The following EYS variants were observed in gnomAD, a reference collection of about 807,000 sequenced individuals.
EYS encodes the protein protein eyes shut homolog.
Under a neutral mutation model 282.1 loss-of-function variants are expected in EYS, and 250 were observed. The ratio of observed to expected loss-of-function variants is 0.89; its 90% CI spans 0.80 to 0.98. The LOEUF is 0.98. EYS is among the 50% of genes least tolerant of loss of function. The probability of loss-of-function intolerance (pLI) is 0.00; values close to 1 mark genes in which losing one functional copy is unlikely to be tolerated. For missense variants in EYS, 4,016 were observed against 3,709.0 expected, an observed-to-expected ratio of 1.08 and a Z score of -2.15; for synonymous variants, 1,355 against 1,282.9, an observed-to-expected ratio of 1.06 and a Z score of -1.20.
rs143205424 is a variant in EYS at position 64,694,965 on chromosome 6, C to A, written c.3444-68720G>T. On this transcript the variant is annotated intron_variant, in intron 22 of 42. Coordinates refer to ENST00000503581, the MANE Select transcript of EYS (RefSeq NM_001142800.2). ...AGGAGAGTAAAGCAGGCTACACTAC[C>A]ACCTGCTAGTCTCTGGAGCCTGAGC... Among the ~76,000 whole-genome samples, 99 of 152,236 alleles carry A rather than the reference C, an allele frequency of 6.5e-4. 1 individual carries two copies. The highest frequency in any genetic ancestry group is 1.0e-4 in the Non-Finnish European group (7 of 68,016).
intron 12 of EYS, among the ~76,000 whole-genome samples, chr6:65,110,448 CCT>C (rs1775181374): frequency 6.6e-6 from 1 of 152,084 alleles, no homozygotes. Context: ...GAAATTTTTA[CCT>C]CTGTTTTAAG....
intron 26 of EYS, among the ~76,000 whole-genome samples, chr6:64,564,341 G>T (rs1330893558): frequency 7.1e-6 from 1 of 140,242 alleles, no homozygotes; most frequent in African/African-American, 2.7e-5. Context: ...CAGTGGCGTG[G>T]ATCTCGGCTC....
chr6:64,930,448 T>C (rs1320088926), intron 15 of EYS, among the ~76,000 whole-genome samples: 2 of 126,050 alleles, frequency 1.6e-5, no homozygotes, highest in Admixed American at 8.9e-5. Context: ...AGGACTTCTA[T>C]GCATAAATAA....
intron 29 of EYS, among the ~76,000 whole-genome samples, chr6:64,308,347 T>G (rs1192574132): frequency 2.0e-5 from 3 of 152,040 alleles, no homozygotes; most frequent in Non-Finnish European, 1.5e-5. Context: ...AACCTAATCA[T>G]TACGAGCATA....
intron 26 of EYS, among the ~76,000 whole-genome samples, chr6:64,458,980 A>T (rs1775654864): frequency 6.6e-6 from 1 of 152,184 alleles, no homozygotes; most frequent in African/African-American, 2.4e-5. Flanking sequence ...TAAGACATCC[A>T]GTGTGGTTCC....
chr6:65,333,724 TA>T (rs975924267), intron 11 of EYS, among the ~76,000 whole-genome samples: 6 of 144,466 alleles, frequency 4.2e-5, no homozygotes, highest in African/African-American at 1.5e-4. Flanking sequence ...GTTAGTTGTG[TA>T]TATACATATA....
intron 15 of EYS, among the ~76,000 whole-genome samples, chr6:64,915,648 T>C (rs1364904291): frequency 6.6e-6 from 1 of 152,162 alleles, no homozygotes; most frequent in East Asian, 1.9e-4. Flanking sequence ...CTAAATACAA[T>C]GTGTATCTCA....
chr6:64,905,399 T>A (rs1767793099), intron 16 of EYS, among the ~76,000 whole-genome samples: 1 of 152,206 alleles, frequency 6.6e-6, no homozygotes, highest in African/African-American at 2.4e-5. Context: ...TTATTCCTAC[T>A]CAGAACTATT....
chr6:63,728,538 A>G (rs1768700101), intron 41 of EYS, among the ~76,000 whole-genome samples: 1 of 152,148 alleles, frequency 6.6e-6, no homozygotes, highest in Non-Finnish European at 1.5e-5. Flanking sequence ...ATTGCCCACT[A>G]GAGTACATTT....
chr6:65,271,995 G>A (rs1767919310), intron 12 of EYS, among the ~76,000 whole-genome samples: 1 of 152,112 alleles, frequency 6.6e-6, no homozygotes, highest in African/African-American at 2.4e-5. Flanking sequence ...ATGTCTACAG[G>A]AGGTAAAGTT....
At chr6:64,234,100 GAAAC>G (rs1391516672) in intron 30 of EYS, among the ~76,000 whole-genome samples, 4 of 152,040 alleles carry the variant, frequency 2.6e-5, no homozygotes, top group Admixed American at 2.0e-4. Flanking sequence ...ATATTAAAAA[GAAAC>G]AAACGCTGCC....
chr6:64,899,423 T>A (rs1775723877), intron 18 of EYS, among the ~76,000 whole-genome samples: 1 of 152,170 alleles, frequency 6.6e-6, no homozygotes, highest in African/African-American at 2.4e-5. Context: ...GAAAGTCAGG[T>A]TATCTCTGTT....
intron 1 of EYS, among the ~76,000 whole-genome samples, chr6:65,706,622 G>C (rs1769888717): frequency 6.6e-6 from 1 of 152,008 alleles, no homozygotes; most frequent in Admixed American, 6.6e-5. Flanking sequence ...TGCCATTGAA[G>C]AGGAAAAAAA....
intron 15 of EYS, among the ~76,000 whole-genome samples, chr6:64,923,105 T>C (rs1047471639): frequency 6.6e-6 from 1 of 151,964 alleles, no homozygotes; most frequent in Admixed American, 6.6e-5. Flanking sequence ...TTAGTGGCTG[T>C]ATTAGTCTGT....
chr6:64,774,366 T>C (rs963662389), intron 22 of EYS, among the ~76,000 whole-genome samples: 2 of 151,948 alleles, frequency 1.3e-5, no homozygotes, highest in African/African-American at 4.8e-5. Context: ...TTGTGATTGG[T>C]ATTATTTAAT....
chr6:65,510,058 A>G (rs1374514775), intron 2 of EYS, among the ~76,000 whole-genome samples: 1 of 150,836 alleles, frequency 6.6e-6, no homozygotes, highest in East Asian at 2.0e-4. Flanking sequence ...TTTAGGGTAC[A>G]TGTGCACAAT....
At chr6:64,412,831 A>G (rs562792632) in intron 28 of EYS, 7 of 152,286 alleles carry the variant, frequency 4.6e-5, no homozygotes, top group African/African-American at 1.4e-4. Flanking sequence ...TTTCTTTACT[A>G]TGAATAAAAC....
chr6:65,212,235 C>A (rs977688318), intron 12 of EYS, among the ~76,000 whole-genome samples: 3 of 151,620 alleles, frequency 2.0e-5, no homozygotes, highest in African/African-American at 7.3e-5. Flanking sequence ...AGAATACAAA[C>A]AAAATGATGA....
At chr6:64,512,088 T>C (rs993830635) in intron 26 of EYS, among the ~76,000 whole-genome samples, 1 of 152,052 alleles carries the variant, frequency 6.6e-6, no homozygotes, top group Non-Finnish European at 1.5e-5. Context: ...TGTGCATGTG[T>C]ATATATACAC....
Sources: allele counts gnomAD v4.1 joint callset (sites outside exome capture counted in the v4.1 genomes callset), GRCh38; gene constraint gnomAD v4.1.1; transcripts MANE v1.5; gene names NCBI Gene and HGNC (gene_info 2026-07-23, HGNC 2026-07-21).